BCL2: variants seen among roughly 807,000 people sequenced by gnomAD.
BCL2 encodes the protein BCL2 apoptosis regulator.
Under a neutral mutation model 14.2 loss-of-function variants are expected in BCL2, and 1 was observed. That is an observed-to-expected ratio of 0.07 (90% CI 0.02 to 0.33). BCL2 has a LOEUF of 0.33. BCL2 is among the 10% of genes least tolerant of loss of function. The pLI, the probability that BCL2 is intolerant of heterozygous loss-of-function variation, is 0.99. For missense variants in BCL2, 247 were observed against 305.9 expected (o/e 0.81, Z 1.44); for synonymous variants, 151 against 137.2 (o/e 1.10, Z -0.70).
At chr18:63,146,817 C>T (rs955372785) in intron 2 of BCL2, among the ~76,000 whole-genome samples, 1 of 152,048 alleles carries the variant, frequency 6.6e-6, no homozygotes, top group East Asian at 1.9e-4. Flanking sequence ...TTTTGATCCC[C>T]AGGCATAAGT....
chr18:63,307,631 T>A (rs1913184794), intron 2 of BCL2, among the ~76,000 whole-genome samples: 1 of 152,178 alleles, frequency 6.6e-6, no homozygotes, highest in Non-Finnish European at 1.5e-5. Flanking sequence ...AGCTCAAGAA[T>A]CCCACTGTCA....
intron 2 of BCL2, among the ~76,000 whole-genome samples, chr18:63,251,267 C>A (rs901601059): frequency 6.6e-6 from 1 of 151,996 alleles, no homozygotes; most frequent in African/African-American, 2.4e-5. Context: ...CAGAGAAAGT[C>A]TCTCAGGTAC....
chr18:63,248,765 T>C (rs1037835801), intron 2 of BCL2, among the ~76,000 whole-genome samples: 1 of 152,230 alleles, frequency 6.6e-6, no homozygotes, highest in Non-Finnish European at 1.5e-5. Context: ...ATGCCACCAC[T>C]AATGGCTTAT....
intron 2 of BCL2, among the ~76,000 whole-genome samples, chr18:63,193,592 G>GTA (rs1365446790): frequency 6.7e-6 from 1 of 149,828 alleles, no homozygotes; most frequent in Admixed American, 6.6e-5. Context: ...ATGTGTGTGT[G>GTA]TGTGTGTGTG....
intron 2 of BCL2, among the ~76,000 whole-genome samples, chr18:63,138,881 G>C (rs1178423174): frequency 6.6e-6 from 1 of 152,248 alleles, no homozygotes; most frequent in Non-Finnish European, 1.5e-5. Flanking sequence ...TCAGGCAGGG[G>C]CCCTCAGGAG....
intron 2 of BCL2, among the ~76,000 whole-genome samples, chr18:63,188,618 T>C (rs1490769541): frequency 1.3e-5 from 2 of 152,160 alleles, no homozygotes; most frequent in African/African-American, 4.8e-5. Context: ...AGCAAACTTT[T>C]GAATAATTTA....
At chr18:63,164,531 G>A (rs948014985) in intron 2 of BCL2, among the ~76,000 whole-genome samples, 3 of 152,198 alleles carry the variant, frequency 2.0e-5, no homozygotes, top group Non-Finnish European at 2.9e-5. Flanking sequence ...GAAAGACTGG[G>A]AGGCAGTGGT....
intron 2 of BCL2, among the ~76,000 whole-genome samples, chr18:63,224,426 G>T (rs1201761482): frequency 6.6e-6 from 1 of 152,168 alleles, no homozygotes; most frequent in Non-Finnish European, 1.5e-5. Flanking sequence ...ATAAGGTAAG[G>T]CACAGAACAT....
chr18:63,127,053 A>C lies in BCL2; in HGVS notation c.*1572T>G, dbSNP rs1041246375. 4.4e-6 allele frequency: 1 copy of C among 227,462 alleles called. No homozygotes were observed. The highest frequency in any genetic ancestry group is 8.7e-6 in the Non-Finnish European group (1 of 114,564). The allele number at this position is 227,462 out of a possible 1,614,324, so 14.1% of individuals were successfully genotyped here. A position where few individuals can be genotyped will look rare whatever the true frequency, so the allele number is the denominator to read the frequency against. On this transcript the variant is annotated 3_prime_UTR_variant, in exon 3 of 3. Transcript: ENST00000333681. ...CCATTGATTTTTTTTTTAATGCCCC[A>C]GGATGTACAGATAACCCCCATATTC...
intron 2 of BCL2, among the ~76,000 whole-genome samples, chr18:63,251,506 G>C (rs900958908): frequency 4.0e-5 from 6 of 151,382 alleles, no homozygotes; most frequent in African/African-American, 1.2e-4. Context: ...TTAGCCAGGC[G>C]TGGTGGCGGG....
At chr18:63,220,796 A>G in intron 2 of BCL2, among the ~76,000 whole-genome samples, 1 of 151,816 alleles carries the variant, frequency 6.6e-6, no homozygotes, top group East Asian at 1.9e-4. Context: ...TAGGTGATGG[A>G]TCCTGAAAGA....
intron 2 of BCL2, among the ~76,000 whole-genome samples, chr18:63,303,849 G>A (rs1011272072): frequency 2.6e-5 from 4 of 152,180 alleles, no homozygotes; most frequent in African/African-American, 9.7e-5. Context: ...TGAGAAGGAT[G>A]AGTAGGTAAG....
intron 2 of BCL2, among the ~76,000 whole-genome samples, chr18:63,187,444 T>C (rs772479056): frequency 6.6e-6 from 1 of 152,218 alleles, no homozygotes; most frequent in African/African-American, 2.4e-5. Flanking sequence ...CCTAGATAAG[T>C]GGGCACCTCT....
At chr18:63,303,135 G>A (rs1400049287) in intron 2 of BCL2, among the ~76,000 whole-genome samples, 2 of 152,070 alleles carry the variant, frequency 1.3e-5, no homozygotes, top group African/African-American at 2.4e-5. Context: ...AGGTAAAACC[G>A]CAGACTTTCC....
intron 2 of BCL2, among the ~76,000 whole-genome samples, chr18:63,297,274 G>A (rs187658931): frequency 2.0e-5 from 3 of 152,174 alleles, no homozygotes; most frequent in African/African-American, 7.2e-5. Flanking sequence ...ATTTTTAGTG[G>A]TCACGTTTAG....
chr18:63,177,746 G>A (rs1223675243), intron 2 of BCL2, among the ~76,000 whole-genome samples: 4 of 152,160 alleles, frequency 2.6e-5, no homozygotes, highest in African/African-American at 9.7e-5. Flanking sequence ...GATGGGTCAA[G>A]AAACAGCCCC....
At position 63,277,426 on chromosome 18, in the gene BCL2, C is replaced by T. The variant is rs8094130; in HGVS notation, c.585+40656G>A. On this transcript the variant is annotated intron_variant, in intron 2 of 2. Transcript: ENST00000333681. ...GGAAGGAAAATCACTCAAGGTTAGGCATTTGAGACCAGCCTGGCGAGACCC... is the reference window on the plus strand; with the variant it reads ...GGAAGGAAAATCACTCAAGGTTAGGTATTTGAGACCAGCCTGGCGAGACCC... Among the ~76,000 whole-genome samples the T allele has an allele frequency of 3.6e-3, 537 of 150,032 alleles. 3 individuals carry two copies. Among genetic ancestry groups the T allele is most frequent in the African/African-American group, 0.012 (509 of 40,898 alleles).
chr18:63,221,328 A>G (rs1910385563), intron 2 of BCL2, among the ~76,000 whole-genome samples: 1 of 152,238 alleles, frequency 6.6e-6, no homozygotes, highest in South Asian at 2.1e-4. Flanking sequence ...ATTTTCAGCA[A>G]AATGGCAAAC....
chr18:63,205,233 C>T (rs572892773), intron 2 of BCL2, among the ~76,000 whole-genome samples: 3 of 152,258 alleles, frequency 2.0e-5, no homozygotes, highest in Admixed American at 6.5e-5. Flanking sequence ...TCCTTTGAAC[C>T]GGAATAATCG....
Sources: gnomAD v4.1 joint callset for allele counts (sites outside exome capture counted in the v4.1 genomes callset) on GRCh38, gnomAD v4.1.1 for gene constraint, MANE v1.5 for transcripts, NCBI Gene and HGNC (gene_info 2026-07-23, HGNC 2026-07-21) for gene names.